XKR6: variants seen among roughly 807,000 people sequenced by gnomAD.
The protein encoded by XKR6 is XK related 6, also known as XK-related protein 6.
In XKR6, 22 loss-of-function variants were observed where a neutral mutation model predicts 56.7. The ratio of observed to expected loss-of-function variants is 0.39; its 90% CI spans 0.28 to 0.55. XKR6 has a LOEUF of 0.55. Among genes scored for constraint, XKR6 ranks in the 20% least tolerant of loss-of-function variants. The pLI is 0.66. For synonymous variants in XKR6, 524 were observed against 387.8 expected, an observed-to-expected ratio of 1.35 and a Z score of -4.13; for missense variants, 852 against 889.0, an observed-to-expected ratio of 0.96 and a Z score of 0.53.
chr8:10,924,373 C>T (rs939184130), intron 2 of XKR6, among the ~76,000 whole-genome samples: 1 of 152,266 alleles, frequency 6.6e-6, no homozygotes, highest in South Asian at 2.1e-4. Flanking sequence ...GCCCTCTACC[C>T]GGCTGGCTCT....
At chr8:11,197,544 A>C (rs1427794674) in intron 1 of XKR6, among the ~76,000 whole-genome samples, 1 of 152,222 alleles carries the variant, frequency 6.6e-6, no homozygotes, top group Non-Finnish European at 1.5e-5. Flanking sequence ...CATGCCAGTT[A>C]TCCCCACAAA....
chr8:11,176,750 C>T lies in XKR6; in HGVS notation c.764+23826G>A, dbSNP rs114017979. On this transcript the variant is annotated intron_variant, in intron 1 of 2. Coordinates refer to ENST00000416569, the MANE Select transcript of XKR6 (RefSeq NM_173683.4). ...CATCTCCCTAGATCTGCAGTATCTTCCTCAAAGAAAACCCCCACCCCGCAA... is the reference window on the plus strand; with the variant it reads ...CATCTCCCTAGATCTGCAGTATCTTTCTCAAAGAAAACCCCCACCCCGCAA... Among the ~76,000 whole-genome samples, 907 of 152,078 alleles carry T rather than the reference C, an allele frequency of 6.0e-3. 14 individuals are homozygous for T. Among genetic ancestry groups the T allele is most frequent in the African/African-American group, 0.021 (865 of 41,460 alleles).
At chr8:10,991,140 G>T (rs947357593) in intron 1 of XKR6, among the ~76,000 whole-genome samples, 2 of 152,064 alleles carry the variant, frequency 1.3e-5, no homozygotes, top group Non-Finnish European at 2.9e-5. Flanking sequence ...CTGACCTCAG[G>T]TGATCCACCT....
intron 1 of XKR6, among the ~76,000 whole-genome samples, chr8:11,175,949 A>T (rs1802635157): frequency 6.6e-6 from 1 of 152,208 alleles, no homozygotes; most frequent in South Asian, 2.1e-4. Flanking sequence ...AAAAACAGGG[A>T]AATGCTGATT....
intron 1 of XKR6, among the ~76,000 whole-genome samples, chr8:10,983,234 G>T (rs1332592926): frequency 6.6e-6 from 1 of 152,016 alleles, no homozygotes; most frequent in African/African-American, 2.4e-5. Context: ...ATAAATTCAA[G>T]ACCTGCTTTT....
At chr8:10,967,249 T>G (rs1024066290) in intron 1 of XKR6, among the ~76,000 whole-genome samples, 7 of 152,188 alleles carry the variant, frequency 4.6e-5, no homozygotes, top group Admixed American at 3.3e-4. Flanking sequence ...CTATGTAAAC[T>G]AGGCAACAAC....
chr8:11,005,358 G>GTA (rs1333626126), intron 1 of XKR6, among the ~76,000 whole-genome samples: 15 of 149,386 alleles, frequency 1.0e-4, no homozygotes, highest in African/African-American at 3.9e-4. Context: ...AGTGACTGTA[G>GTA]TAGATATAGA....
At chr8:11,198,975 T>TTG (rs1804047381) in intron 1 of XKR6, among the ~76,000 whole-genome samples, 1 of 152,144 alleles carries the variant, frequency 6.6e-6, no homozygotes, top group Admixed American at 6.5e-5. Flanking sequence ...CGATATGACT[T>TTG]TGAGTGTGTG....
intron 1 of XKR6, among the ~76,000 whole-genome samples, chr8:11,140,565 A>G (rs997120465): frequency 2.0e-5 from 3 of 152,200 alleles, no homozygotes; most frequent in African/African-American, 7.2e-5. Context: ...TCAAGGGGAC[A>G]GTTATCACTA....
At chr8:11,196,441 A>C (rs1403411041) in intron 1 of XKR6, among the ~76,000 whole-genome samples, 1 of 152,034 alleles carries the variant, frequency 6.6e-6, no homozygotes, top group Non-Finnish European at 1.5e-5. Flanking sequence ...AACAAAAAAA[A>C]CAACAACAAC....
At chr8:11,197,230 C>G (rs766624380) in intron 1 of XKR6, among the ~76,000 whole-genome samples, 1 of 152,182 alleles carries the variant, frequency 6.6e-6, no homozygotes, top group Non-Finnish European at 1.5e-5. Flanking sequence ...GGTGCAAACA[C>G]ACACATAAAA....
intron 1 of XKR6, among the ~76,000 whole-genome samples, chr8:10,952,522 C>G (rs1037747310): frequency 1.3e-5 from 2 of 152,198 alleles, no homozygotes; most frequent in African/African-American, 4.8e-5. Flanking sequence ...GGCAAGATCA[C>G]AGCTCACTGC....
chr8:11,182,423 G>A (rs150761580), intron 1 of XKR6, among the ~76,000 whole-genome samples: 1 of 152,334 alleles, frequency 6.6e-6, no homozygotes, highest in Non-Finnish European at 1.5e-5. Flanking sequence ...CCTGGTCATG[G>A]TCATACTGTG....
intron 1 of XKR6, among the ~76,000 whole-genome samples, chr8:11,141,792 G>C (rs1043120499): frequency 1.3e-5 from 2 of 152,148 alleles, no homozygotes; most frequent in African/African-American, 2.4e-5. Context: ...ACAACTGAGA[G>C]GGAAAAGGTC....
intron 1 of XKR6, among the ~76,000 whole-genome samples, chr8:11,186,424 C>G (rs1270871619): frequency 6.6e-6 from 1 of 152,166 alleles, no homozygotes; most frequent in Non-Finnish European, 1.5e-5. Flanking sequence ...CTCCGTTATC[C>G]AGGCTGCAGT....
intron 1 of XKR6, among the ~76,000 whole-genome samples, chr8:11,140,103 C>CG (rs1365068405): frequency 6.7e-6 from 1 of 149,558 alleles, no homozygotes; most frequent in Non-Finnish European, 1.5e-5. Context: ...GAGAAACAGG[C>CG]GGCTCGAAGA....
intron 1 of XKR6, among the ~76,000 whole-genome samples, chr8:10,975,174 C>A (rs1423244614): frequency 6.6e-6 from 1 of 152,164 alleles, no homozygotes; most frequent in Non-Finnish European, 1.5e-5. Context: ...GTGCTGATAG[C>A]AATGGGGAAC....
intron 2 of XKR6, among the ~76,000 whole-genome samples, chr8:10,919,321 C>T (rs906169797): frequency 6.6e-6 from 1 of 152,218 alleles, no homozygotes; most frequent in Non-Finnish European, 1.5e-5. Context: ...TCCTGACCCC[C>T]TGCCTAAAGT....
At chr8:10,979,124 G>A (rs966008507) in intron 1 of XKR6, among the ~76,000 whole-genome samples, 11 of 151,708 alleles carry the variant, frequency 7.3e-5, no homozygotes, top group Admixed American at 3.3e-4. Flanking sequence ...ATCCCCCAAT[G>A]AGAAAGAGCT....
Sources: gnomAD v4.1 joint callset for allele counts (sites outside exome capture counted in the v4.1 genomes callset) on GRCh38, gnomAD v4.1.1 for gene constraint, MANE v1.5 for transcripts, NCBI Gene and HGNC (gene_info 2026-07-23, HGNC 2026-07-21) for gene names.